Variants in PRKX observed in about 807,000 individuals in gnomAD.
PRKX encodes protein kinase cAMP-dependent X-linked catalytic subunit.
A neutral mutation model predicts 22.0 loss-of-function variants in PRKX; 12 were observed. The ratio of observed to expected loss-of-function variants is 0.54; its 90% CI spans 0.35 to 0.88. PRKX has a LOEUF of 0.88. Ranked by LOEUF, PRKX falls within the 40% of genes least tolerant of loss-of-function variation. The pLI is 0.01. For synonymous variants in PRKX, 134 were observed against 137.7 expected, an observed-to-expected ratio of 0.97 and a Z score of 0.19; for missense variants, 217 against 308.0, an observed-to-expected ratio of 0.70 and a Z score of 2.21.
Position 3,617,431 on chromosome X carries a change from C to T in PRKX, c.874-1539G>A, listed in dbSNP as rs1028862823. ...GGCCGAGGCAGGAGGACTGCTTGAA[C>T]CCAGGAGTTTGAGACTAACCTGGGC... is the stretch of plus-strand genomic sequence containing the variant. On this transcript the variant is annotated intron_variant, in intron 6 of 8. Transcript: ENST00000262848. 4.6e-5 allele frequency among the ~76,000 whole-genome samples: 5 copies of T among 109,445 alleles called. No individual in the cohort carries two copies. In the South Asian group the frequency reaches 1.2e-3, roughly 26 times the overall value.
At chrX:3,638,731 T>A (rs1926950844) in intron 4 of PRKX, among the ~76,000 whole-genome samples, 1 of 110,554 alleles carries the variant, frequency 9.0e-6, no homozygotes, top group East Asian at 2.9e-4. Flanking sequence ...GATAGGTAGG[T>A]AAGTAGATGA....
At chrX:3,675,492 C>T in intron 1 of PRKX, among the ~76,000 whole-genome samples, 1 of 110,287 alleles carries the variant, frequency 9.1e-6, no homozygotes, top group Non-Finnish European at 1.9e-5. Flanking sequence ...CCTCAATCTT[C>T]TCCTCCTTCT....
At chrX:3,654,031 G>A (rs1331114906) in intron 3 of PRKX, among the ~76,000 whole-genome samples, 4 of 76,274 alleles carry the variant, frequency 5.2e-5, no homozygotes, top group Non-Finnish European at 6.9e-5. Flanking sequence ...TATATACTAT[G>A]TAATATATAT....
intron 4 of PRKX, among the ~76,000 whole-genome samples, chrX:3,639,722 G>T (rs1333047710): frequency 9.0e-6 from 1 of 110,939 alleles, no homozygotes; most frequent in Non-Finnish European, 1.9e-5. Flanking sequence ...GGCATCTCAG[G>T]CTCCGGTTTT....
intron 8 of PRKX, among the ~76,000 whole-genome samples, chrX:3,609,657 G>A (rs1411631381): frequency 9.1e-6 from 1 of 110,000 alleles, no homozygotes; most frequent in Non-Finnish European, 1.9e-5. Context: ...GTCTCACTAT[G>A]TTGCCCAGGC....
chrX:3,692,047 ATAGG>A (rs1293258735), intron 1 of PRKX, among the ~76,000 whole-genome samples: 3 of 96,793 alleles, frequency 3.1e-5, no homozygotes, highest in African/African-American at 7.4e-5. Context: ...TAGATAATTG[ATAGG>A]TAGGTAGGTA....
At chrX:3,651,212 T>A (rs775062068) in intron 3 of PRKX, among the ~76,000 whole-genome samples, 16 of 112,028 alleles carry the variant, frequency 1.4e-4, no homozygotes, top group Non-Finnish European at 2.8e-4. Context: ...ATCAATATGG[T>A]AATGAGACAT....
chrX:3,685,387 T>C (rs1217780239), intron 1 of PRKX, among the ~76,000 whole-genome samples: 1 of 109,838 alleles, frequency 9.1e-6, no homozygotes, highest in Non-Finnish European at 1.9e-5. Flanking sequence ...TAAGCCTCAT[T>C]CAAGAGGCGT....
At chrX:3,631,598 T>C (rs1326089178) in intron 4 of PRKX, among the ~76,000 whole-genome samples, 1 of 112,431 alleles carries the variant, frequency 8.9e-6, no homozygotes, top group Admixed American at 9.4e-5. Context: ...TATTCAGCAA[T>C]AGGGTCTTTG....
At chrX:3,694,986 A>G (rs1458405665) in intron 1 of PRKX, among the ~76,000 whole-genome samples, 1 of 111,774 alleles carries the variant, frequency 8.9e-6, no homozygotes, top group Non-Finnish European at 1.9e-5. Flanking sequence ...GGAGAGCATA[A>G]ATTTCTGTTG....
chrX:3,625,850 C>G (rs1265903416), intron 5 of PRKX, among the ~76,000 whole-genome samples: 2 of 111,706 alleles, frequency 1.8e-5, no homozygotes, highest in Admixed American at 1.9e-4. Context: ...GGATTACAGG[C>G]ATGAGCCACC....
At position 3,611,582 on chromosome X, in the gene PRKX, C is replaced by G. The variant is rs1231278858; in HGVS notation, c.*23+595G>C. 4.5e-5 allele frequency among the ~76,000 whole-genome samples: 5 copies of G among 111,501 alleles called. No individual in the cohort carries two copies. In the East Asian group the frequency reaches 1.1e-3, roughly 25 times the overall value. ...GCTCAAGGAAATAACACAGTCAAAA[C>G]CCTTTTTCAGTCATCTTAAATTAAA... On this transcript the variant is annotated intron_variant, in intron 8 of 8. Coordinates refer to ENST00000262848, the MANE Select transcript of PRKX (RefSeq NM_005044.5).
At chrX:3,621,362 A>G (rs1926554144) in intron 5 of PRKX, 46 bp from the exon 6 acceptor site, 2 of 1,071,381 alleles carry the variant, frequency 1.9e-6, no homozygotes, top group Non-Finnish European at 2.6e-6. Context: ...CACAGATTAT[A>G]TATCAACATC....
chrX:3,613,698 A>G (rs1253511726), intron 7 of PRKX, among the ~76,000 whole-genome samples: 2 of 106,329 alleles, frequency 1.9e-5, no homozygotes, highest in East Asian at 6.0e-4. Flanking sequence ...CACACAAAAA[A>G]ATTAGCTGGA....
intron 1 of PRKX, among the ~76,000 whole-genome samples, chrX:3,682,356 G>T (rs143429115): frequency 3.4e-4 from 38 of 110,644 alleles, no homozygotes; most frequent in African/African-American, 1.1e-3. Context: ...CCCTGGAAAA[G>T]ATACGTTGAC....
chrX:3,658,866 C>T (rs1349204680), intron 2 of PRKX, among the ~76,000 whole-genome samples: 3 of 111,218 alleles, frequency 2.7e-5, no homozygotes, highest in African/African-American at 6.5e-5. Flanking sequence ...TGCTCAAGGT[C>T]GACCGGATGG....
At chrX:3,700,135 T>G (rs1263961667) in intron 1 of PRKX, among the ~76,000 whole-genome samples, 1 of 110,967 alleles carries the variant, frequency 9.0e-6, no homozygotes, top group East Asian at 2.8e-4. Flanking sequence ...AGGGATGGAG[T>G]TTCCTAACAG....
At chrX:3,609,989 C>T (rs1250837095) in intron 8 of PRKX, among the ~76,000 whole-genome samples, 2 of 111,859 alleles carry the variant, frequency 1.8e-5, no homozygotes, top group South Asian at 3.8e-4. Context: ...CAAAGATGAA[C>T]GGCTACAGCA....
chrX:3,702,415 A>G (rs1290821579), intron 1 of PRKX, among the ~76,000 whole-genome samples: 1 of 112,688 alleles, frequency 8.9e-6, no homozygotes, highest in Admixed American at 9.4e-5. Context: ...AGAACCCTCC[A>G]CAGGCTGCCC....
Sources: gnomAD v4.1 joint callset for allele counts (sites outside exome capture counted in the v4.1 genomes callset) on GRCh38, gnomAD v4.1.1 for gene constraint, MANE v1.5 for transcripts, NCBI Gene and HGNC (gene_info 2026-07-23, HGNC 2026-07-21) for gene names.